Variants in SERPINA1 observed in about 807,000 individuals in gnomAD.
SERPINA1 encodes the protein alpha-1-antitrypsin.
In SERPINA1, 21 loss-of-function variants were observed where a neutral mutation model predicts 25.4. The ratio of observed to expected loss-of-function variants is 0.83; its 90% confidence interval spans 0.59 to 1.19. The LOEUF (loss-of-function observed/expected upper bound fraction) is 1.19, where lower values mean the gene tolerates loss of function less well. Ranked by LOEUF, SERPINA1 falls within the 50% of genes most tolerant of loss-of-function variation. The pLI is 0.00. For missense variants in SERPINA1, 546 were observed against 509.0 expected (o/e 1.07, Z -0.70); for synonymous variants, 218 against 211.1 (o/e 1.03, Z -0.29).
intron 1 of SERPINA1, among the ~76,000 whole-genome samples, chr14:94,385,374 G>A (rs1897224171): frequency 6.6e-6 from 1 of 152,238 alleles, no homozygotes; most frequent in South Asian, 2.1e-4. Flanking sequence ...TATCTGCCAG[G>A]GTGGAGTGCA....
chr14:94,383,880 G>A (rs1897127869), intron 1 of SERPINA1, among the ~76,000 whole-genome samples: 1 of 152,204 alleles, frequency 6.6e-6, no homozygotes, highest in Non-Finnish European at 1.5e-5. Flanking sequence ...AGAGCATGGA[G>A]GGGCTGTGAT....
chr14:94,383,475 G>A (rs559631395), intron 1 of SERPINA1: 4 of 581,436 alleles, frequency 6.9e-6, no homozygotes, highest in South Asian at 6.5e-5. Context: ...TTGCTTTCTT[G>A]TAACAATCCC....
chr14:94,380,748 G>T, intron 3 of SERPINA1, 123 bp downstream of exon 3: 1 of 1,255,974 alleles, frequency 8.0e-7, no homozygotes, highest in Non-Finnish European at 1.2e-6. Context: ...ATACAGAGTA[G>T]CAGTGACCCA....
chr14:94,389,251 G>A (rs1404866785), upstream of SERPINA1, among the ~76,000 whole-genome samples: 3 of 152,320 alleles, frequency 2.0e-5, no homozygotes, highest in South Asian at 4.1e-4. Context: ...CCTCAGGCAG[G>A]CCGCTTCACC....
intron 3 of SERPINA1, 108 bp from the exon 4 acceptor site, chr14:94,379,719 C>G (rs1295947897): frequency 2.1e-6 from 3 of 1,450,248 alleles, no homozygotes; most frequent in East Asian, 4.6e-5. Context: ...GCCACTTACT[C>G]CTGTGTCCTC....
Position 94,379,040 on chromosome 14 carries a change from G to A in SERPINA1, c.1066-400C>T. On this transcript the variant is annotated intron_variant, in intron 4 of 4. Transcript: ENST00000393087. Reference sequence around the variant, plus strand: ...TTCATGGAACTGCAGTTGTTCATTGGTCGCCTTTAGTTTTCCAAAATAAGT... The same window carrying A: ...TTCATGGAACTGCAGTTGTTCATTGATCGCCTTTAGTTTTCCAAAATAAGT... The A allele has an allele frequency of 5.7e-6, 3 of 523,576 alleles. No homozygotes were observed. The East Asian group carries it at 9.8e-5, about 17-fold the overall frequency. The allele number at this position is 523,576 out of a possible 1,614,324, so 32.4% of individuals were successfully genotyped here.
chr14:94,388,286 T>C (rs1897420772), intron 1 of SERPINA1, among the ~76,000 whole-genome samples: 1 of 152,100 alleles, frequency 6.6e-6, no homozygotes, highest in South Asian at 2.1e-4. Flanking sequence ...ACTGCAGACC[T>C]AGACACCCTC....
intron 3 of SERPINA1, 66 bp from the exon 4 acceptor site, chr14:94,379,677 C>G: frequency 6.2e-7 from 1 of 1,607,876 alleles, no homozygotes; most frequent in Non-Finnish European, 8.5e-7. Context: ...GGACCCACCA[C>G]AGTGCAAGTG....
At position 94,385,359 on chromosome 14, in the gene SERPINA1, C is replaced by T. The variant is rs140902998; in HGVS notation, c.-4-2118G>A. On this transcript the variant is annotated intron_variant, in intron 1 of 4. Coordinates refer to ENST00000393087, the MANE Select transcript of SERPINA1 (RefSeq NM_000295.5). ...TTGGGTTTTTTTTGAGACAGAGTCT[C>T]GCTTTATCTGCCAGGGTGGAGTGCA... 2.8e-3 allele frequency among the ~76,000 whole-genome samples: 425 copies of T among 152,346 alleles called. 3 individuals are homozygous for T. Among genetic ancestry groups the T allele is most frequent in the African/African-American group, 9.5e-3 (396 of 41,594 alleles).
chr14:94,387,879 C>A (rs1168789704), intron 1 of SERPINA1, among the ~76,000 whole-genome samples: 1 of 152,048 alleles, frequency 6.6e-6, no homozygotes, highest in Non-Finnish European at 1.5e-5. Context: ...TGGTGCAGAG[C>A]GATTATTCAG....
intron 2 of SERPINA1, among the ~76,000 whole-genome samples, chr14:94,382,371 G>A (rs1896990114): frequency 6.6e-6 from 1 of 152,134 alleles, no homozygotes; most frequent in Non-Finnish European, 1.5e-5. Flanking sequence ...GAAAAGTTCT[G>A]CAGAGCTGTC....
chr14:94,381,176 G>T, intron 2 of SERPINA1, 35 bp from the exon 3 acceptor site: 1 of 1,603,414 alleles, frequency 6.2e-7, no homozygotes. Context: ...CACCAGGGGT[G>T]AGTGAAGGTT....
intron 1 of SERPINA1, among the ~76,000 whole-genome samples, chr14:94,387,697 G>C (rs1173482651): frequency 6.6e-6 from 1 of 152,184 alleles, no homozygotes; most frequent in African/African-American, 2.4e-5. Flanking sequence ...CCAGGTTCAA[G>C]AGTTTGGGGA....
intron 1 of SERPINA1, among the ~76,000 whole-genome samples, chr14:94,388,014 A>T (rs1372833679): frequency 1.3e-5 from 2 of 152,106 alleles, no homozygotes; most frequent in African/African-American, 4.8e-5. Flanking sequence ...GAGGCCTGGC[A>T]CAGGTCTGTT....
chr14:94,381,283 A>G, intron 2 of SERPINA1, 142 bp from the exon 3 acceptor site: 1 of 832,220 alleles, frequency 1.2e-6, no homozygotes, highest in Admixed American at 2.3e-5. Flanking sequence ...CAGCTTCATC[A>G]TCTGTAAAAG....
chr14:94,378,791 C>T, intron 4 of SERPINA1, 151 bp from the exon 5 acceptor site: 1 of 861,472 alleles, frequency 1.2e-6, no homozygotes, highest in Non-Finnish European at 1.9e-6. Context: ...CCTTGCTCCT[C>T]CTCAAGGCTT....
At chr14:94,383,343 A>G in intron 1 of SERPINA1, 102 bp from the exon 2 acceptor site, 1 of 1,291,620 alleles carries the variant, frequency 7.7e-7, no homozygotes, top group Non-Finnish European at 1.1e-6. Flanking sequence ...GGATTATTAA[A>G]CCAGCCTGTG....
intron 4 of SERPINA1, among the ~76,000 whole-genome samples, chr14:94,378,849 T>C (rs891955134): frequency 1.3e-5 from 2 of 152,132 alleles, no homozygotes; most frequent in Non-Finnish European, 2.9e-5. Flanking sequence ...GACAAGCGCC[T>C]CTCCCCCTGC....
At chr14:94,380,807 C>T (rs1896845187) in intron 3 of SERPINA1, 64 bp downstream of exon 3, 1 of 1,608,358 alleles carries the variant, frequency 6.2e-7, no homozygotes, top group Non-Finnish European at 8.5e-7. Context: ...CCTGATGGGC[C>T]TCAGTCCCAA....
Sources: gnomAD v4.1 joint callset for allele counts (sites outside exome capture counted in the v4.1 genomes callset) on GRCh38, gnomAD v4.1.1 for gene constraint, MANE v1.5 for transcripts, NCBI Gene and HGNC (gene_info 2026-07-23, HGNC 2026-07-21) for gene names.